Variants in PID1 observed in about 807,000 individuals in gnomAD.
PID1 encodes the protein phosphotyrosine interaction domain containing 1.
A neutral mutation model predicts 19.1 loss-of-function variants in PID1; 10 were observed. The observed-to-expected ratio is 0.52, with a 90% CI of 0.32 to 0.89. The LOEUF (loss-of-function observed/expected upper bound fraction) is 0.89, where lower values mean the gene tolerates loss of function less well. Ranked by LOEUF, PID1 falls within the 40% of genes least tolerant of loss-of-function variation. The pLI, the probability that PID1 is intolerant of heterozygous loss-of-function variation, is 0.03. For synonymous variants in PID1, 130 were observed against 116.0 expected, an observed-to-expected ratio of 1.12 and a Z score of -0.78; for missense variants, 248 against 285.3, an observed-to-expected ratio of 0.87 and a Z score of 0.94.
rs369002079 is a variant in PID1 at position 229,179,117 on chromosome 2, A to G, written c.31-23153T>C. Among the ~76,000 whole-genome samples, 36 of 152,284 alleles carry G rather than the reference A, an allele frequency of 2.4e-4. No individual in the cohort carries two copies. In the South Asian group the frequency reaches 5.6e-3, roughly 24 times the overall value. ...TCCCCTCTTGGTCCCAAGACCATCAACAAATCTTACCCCTCATGATCTCAA... is the reference window on the plus strand; with the variant it reads ...TCCCCTCTTGGTCCCAAGACCATCAGCAAATCTTACCCCTCATGATCTCAA... On this transcript the variant is annotated intron_variant, in intron 1 of 2. Coordinates refer to ENST00000392055, the MANE Select transcript of PID1 (RefSeq NM_001100818.2).
chr2:229,155,822 C>A lies in PID1; in HGVS notation c.173G>T (p.Cys58Phe). The change falls in exon 2 of 3, where the codon TGC becomes TTC. Residue 58 changes from cysteine (C) to phenylalanine (F), a missense_variant. Physicochemically the swap from Cys to Phe is radical, Grantham distance 205 (BLOSUM62 -2). Coordinates refer to ENST00000392055, the MANE Select transcript of PID1 (RefSeq NM_001100818.2). ...TGCTGGCCACGTGCCCCATACCTTG[C>A]AGCCACTGTGAGTCCTTGTCTTCAT... is the stretch of plus-strand genomic sequence containing the variant. ...PLMKTRTHSG[C>F]KVTYLGKVST... 1.2e-6 allele frequency: 2 copies of A among 1,610,792 alleles called. No homozygotes were observed. Among genetic ancestry groups the A allele is most frequent in the Non-Finnish European group, 1.7e-6 (2 of 1,178,426 alleles).
chr2:229,055,311 A>G (rs758604820), intron 2 of PID1, among the ~76,000 whole-genome samples: 1 of 152,190 alleles, frequency 6.6e-6, no homozygotes, highest in Non-Finnish European at 1.5e-5. Context: ...TTCAAACACC[A>G]GCCTTTCTAC....
At chr2:229,066,033 C>T (rs992450978) in intron 2 of PID1, among the ~76,000 whole-genome samples, 1 of 152,112 alleles carries the variant, frequency 6.6e-6, no homozygotes, top group Non-Finnish European at 1.5e-5. Context: ...CTACTTCTAA[C>T]ACAATTGCTG....
intron 2 of PID1, among the ~76,000 whole-genome samples, chr2:229,146,344 G>A (rs547935293): frequency 1.4e-3 from 213 of 152,262 alleles, no homozygotes; most frequent in Non-Finnish European, 2.6e-3. Context: ...AGGGGCAAGG[G>A]GAGGGAGATA....
intron 2 of PID1, among the ~76,000 whole-genome samples, chr2:229,042,428 A>C (rs540199131): frequency 2.5e-4 from 38 of 152,318 alleles, no homozygotes; most frequent in South Asian, 4.1e-4. Context: ...AGCAATGTTC[A>C]TATCCTGAAG....
At chr2:229,045,073 C>T (rs937603042) in intron 2 of PID1, among the ~76,000 whole-genome samples, 1 of 152,090 alleles carries the variant, frequency 6.6e-6, no homozygotes, top group African/African-American at 2.4e-5. Context: ...CCTGCCTCAA[C>T]CTCCCAAGTA....
At chr2:229,057,469 A>C (rs77012428) in intron 2 of PID1, among the ~76,000 whole-genome samples, 4,205 of 151,836 alleles carry the variant, frequency 0.028, 78 homozygotes, top group Non-Finnish European at 0.045. Context: ...AAAAAAAAAA[A>C]AACCTACTAA....
intron 2 of PID1, among the ~76,000 whole-genome samples, chr2:229,033,987 C>G (rs1693609189): frequency 6.6e-6 from 1 of 152,178 alleles, no homozygotes; most frequent in South Asian, 2.1e-4. Context: ...TTGCTGGCCA[C>G]AGAGGCACAG....
At chr2:229,063,250 G>A (rs902607752) in intron 2 of PID1, among the ~76,000 whole-genome samples, 2 of 151,654 alleles carry the variant, frequency 1.3e-5, no homozygotes, top group Admixed American at 1.3e-4. Context: ...TTTTGATGTA[G>A]GCATTTATTT....
chr2:229,103,451 G>T (rs1216773998), intron 2 of PID1, among the ~76,000 whole-genome samples: 1 of 152,110 alleles, frequency 6.6e-6, no homozygotes, highest in Non-Finnish European at 1.5e-5. Flanking sequence ...CCCTCTCACT[G>T]ACAGCCCTAC....
chr2:229,086,181 C>A (rs1347215782), intron 2 of PID1, among the ~76,000 whole-genome samples: 1 of 152,008 alleles, frequency 6.6e-6, no homozygotes, highest in African/African-American at 2.4e-5. Context: ...TACAGAAGCT[C>A]CTCAACTTAT....
chr2:229,190,991 A>G (rs115286352), intron 1 of PID1, among the ~76,000 whole-genome samples: 2,008 of 152,300 alleles, frequency 0.013, 47 homozygotes, highest in African/African-American at 0.046. Flanking sequence ...TTAACATTTC[A>G]TTGAGGAGTA....
intron 2 of PID1, among the ~76,000 whole-genome samples, chr2:229,031,156 C>G (rs1027118149): frequency 3.1e-5 from 4 of 130,040 alleles, no homozygotes; most frequent in Non-Finnish European, 6.1e-5. Context: ...GCAGAGGTTG[C>G]AGTGAGCTGA....
chr2:229,097,783 A>G (rs1186691035), intron 2 of PID1, among the ~76,000 whole-genome samples: 1 of 152,124 alleles, frequency 6.6e-6, no homozygotes. Flanking sequence ...TATTTTTCCC[A>G]AAATGATAAT....
intron 1 of PID1, among the ~76,000 whole-genome samples, chr2:229,194,687 A>T (rs959572647): frequency 6.6e-6 from 1 of 152,036 alleles, no homozygotes; most frequent in Non-Finnish European, 1.5e-5. Context: ...TATGAAATAC[A>T]TATAACAGAA....
chr2:229,061,019 T>C (rs139920063), intron 2 of PID1, among the ~76,000 whole-genome samples: 5 of 152,144 alleles, frequency 3.3e-5, no homozygotes, highest in Non-Finnish European at 5.9e-5. Context: ...TAGCCTCTTA[T>C]CCCACAAATG....
chr2:229,046,319 T>G (rs759128101), intron 2 of PID1, among the ~76,000 whole-genome samples: 1 of 151,208 alleles, frequency 6.6e-6, no homozygotes, highest in Non-Finnish European at 1.5e-5. Flanking sequence ...TGGTAAATGC[T>G]GAAACTTCAG....
At chr2:229,051,134 A>G (rs1393109033) in intron 2 of PID1, among the ~76,000 whole-genome samples, 2 of 152,174 alleles carry the variant, frequency 1.3e-5, no homozygotes. Context: ...CTCCATGACT[A>G]TTTCAGGTGT....
intron 2 of PID1, among the ~76,000 whole-genome samples, chr2:229,026,427 C>T (rs556265400): frequency 3.9e-5 from 6 of 152,308 alleles, no homozygotes; most frequent in African/African-American, 1.4e-4. Context: ...CATAATTTGG[C>T]ATTCCTTTAA....
Sources: allele counts gnomAD v4.1 joint callset (sites outside exome capture counted in the v4.1 genomes callset), GRCh38; gene constraint gnomAD v4.1.1; transcripts MANE v1.5; gene names NCBI Gene and HGNC (gene_info 2026-07-23, HGNC 2026-07-21).